The following PTPRD variants were observed in gnomAD, a reference collection of about 807,000 sequenced individuals.
PTPRD encodes receptor-type tyrosine-protein phosphatase delta.
A neutral mutation model predicts 214.5 loss-of-function variants in PTPRD; 34 were observed. That is an observed-to-expected ratio of 0.16 (90% CI 0.12 to 0.21). The LOEUF (loss-of-function observed/expected upper bound fraction) is 0.21, where lower values mean the gene tolerates loss of function less well. Ranked by LOEUF, PTPRD falls within the 10% of genes least tolerant of loss-of-function variation. The probability of loss-of-function intolerance (pLI) is 1.00; values close to 1 mark genes in which losing one functional copy is unlikely to be tolerated. For missense variants in PTPRD, 2,545 were observed against 2,398.7 expected (o/e 1.06, Z -1.27); for synonymous variants, 1,128 against 845.7 (o/e 1.33, Z -5.79).
At chr9:10,195,439 T>A (rs534274242) in intron 3 of PTPRD, among the ~76,000 whole-genome samples, 3 of 152,252 alleles carry the variant, frequency 2.0e-5, no homozygotes, top group African/African-American at 7.2e-5. Context: ...TACCTGTCCA[T>A]GTGACTGTTT....
At chr9:9,559,021 G>A (rs1003925338) in intron 8 of PTPRD, among the ~76,000 whole-genome samples, 5 of 152,164 alleles carry the variant, frequency 3.3e-5, no homozygotes, top group African/African-American at 4.8e-5. Flanking sequence ...GTGGATGTCC[G>A]CACGTTCCAG....
At chr9:9,013,200 C>T (rs1480133120) in intron 11 of PTPRD, among the ~76,000 whole-genome samples, 2 of 151,508 alleles carry the variant, frequency 1.3e-5, no homozygotes, top group African/African-American at 4.9e-5. Flanking sequence ...ATCAAAGTAA[C>T]AAAAGAATGA....
chr9:9,681,487 A>G lies in PTPRD; in HGVS notation c.-287+53046T>C, dbSNP rs550710732. On this transcript the variant is annotated intron_variant, in intron 7 of 45. Transcript: ENST00000381196. ...ATCAAAACAAATGTTATATAAAGAT[A>G]TGATCTTGACACATAAGCCCTACTG... Among the ~76,000 whole-genome samples the G allele has an allele frequency of 1.7e-4, 26 of 151,914 alleles. No homozygotes were observed. In the South Asian group the frequency reaches 4.6e-3, roughly 27 times the overall value.
intron 12 of PTPRD, among the ~76,000 whole-genome samples, chr9:8,709,207 C>T (rs541221180): frequency 2.0e-5 from 3 of 152,204 alleles, no homozygotes; most frequent in African/African-American, 7.2e-5. Flanking sequence ...AAATGTGATA[C>T]TGCATTCTTC....
At chr9:8,370,264 T>C (rs2134342800) in intron 39 of PTPRD, among the ~76,000 whole-genome samples, 1 of 151,320 alleles carries the variant, frequency 6.6e-6, no homozygotes, top group South Asian at 2.1e-4. Context: ...TGTGAAGAGA[T>C]AATGGCAAAT....
At chr9:10,469,142 T>G (rs10117093) in intron 2 of PTPRD, among the ~76,000 whole-genome samples, 135,229 of 152,032 alleles carry the variant, frequency 0.89, 60,356 homozygotes, top group East Asian at 1. Flanking sequence ...GGCAAAAGAG[T>G]TATACCAATC....
chr9:10,159,923 G>A (rs2099117335), intron 3 of PTPRD, among the ~76,000 whole-genome samples: 1 of 152,176 alleles, frequency 6.6e-6, no homozygotes, highest in South Asian at 2.1e-4. Flanking sequence ...GAGCAAGAAT[G>A]AGGAGAAGGA....
chr9:9,324,362 A>G (rs964070842), intron 9 of PTPRD, among the ~76,000 whole-genome samples: 2 of 152,092 alleles, frequency 1.3e-5, no homozygotes, highest in Non-Finnish European at 1.5e-5. Context: ...TTGTTTCTTG[A>G]CTTTTTAATG....
chr9:8,633,598 G>A, intron 13 of PTPRD, 140 bp from the exon 14 acceptor site: 1 of 956,220 alleles, frequency 1.0e-6, no homozygotes, highest in Non-Finnish European at 1.5e-6. Context: ...TGATATAGTG[G>A]TGAAAAAATA....
At chr9:9,629,238 G>GTGTATATATATATATATATATATA (rs149327972) in intron 7 of PTPRD, among the ~76,000 whole-genome samples, 221 of 140,302 alleles carry the variant, frequency 1.6e-3, no homozygotes, top group Middle Eastern at 7.6e-3. Flanking sequence ...GTGTGTGTGT[G>GTGTATATATATATATATATATATA]TATATATATA....
chr9:10,286,036 A>C (rs2154397146), intron 3 of PTPRD, among the ~76,000 whole-genome samples: 1 of 152,264 alleles, frequency 6.6e-6, no homozygotes, highest in South Asian at 2.1e-4. Context: ...AGTTAGCATT[A>C]ATAAGGGTAT....
At chr9:8,364,967 A>G (rs1050820346) in intron 39 of PTPRD, among the ~76,000 whole-genome samples, 2 of 152,126 alleles carry the variant, frequency 1.3e-5, no homozygotes, top group Non-Finnish European at 2.9e-5. Context: ...TGCATCTAGA[A>G]AATGTTAAGG....
intron 10 of PTPRD, among the ~76,000 whole-genome samples, chr9:9,039,911 A>T (rs1442804628): frequency 6.6e-6 from 1 of 151,844 alleles, no homozygotes; most frequent in Non-Finnish European, 1.5e-5. Flanking sequence ...GCCTACCCCC[A>T]ATGTATTGTC....
intron 11 of PTPRD, among the ~76,000 whole-genome samples, chr9:8,784,233 A>C (rs2095850021): frequency 6.6e-6 from 1 of 152,214 alleles, no homozygotes; most frequent in African/African-American, 2.4e-5. Flanking sequence ...TGTGGCAAAC[A>C]AAACGACATG....
At chr9:8,442,397 TAAGTA>T (rs60405580) in intron 34 of PTPRD, among the ~76,000 whole-genome samples, 4,623 of 152,282 alleles carry the variant, frequency 0.03, 242 homozygotes, top group African/African-American at 0.1. Flanking sequence ...ACTATTCTGC[TAAGTA>T]GAGTTTTTGA....
chr9:10,051,543 G>T (rs1417573912), intron 3 of PTPRD, among the ~76,000 whole-genome samples: 1 of 151,812 alleles, frequency 6.6e-6, no homozygotes, highest in Non-Finnish European at 1.5e-5. Flanking sequence ...TTGGTGTGCT[G>T]CACCCATTAA....
At chr9:10,243,888 A>G (rs73641894) in intron 3 of PTPRD, among the ~76,000 whole-genome samples, 10,916 of 151,870 alleles carry the variant, frequency 0.072, 510 homozygotes, top group East Asian at 0.14. Context: ...TTTTCTGTCC[A>G]GAATCAGGTC....
At chr9:10,250,692 G>C (rs186622609) in intron 3 of PTPRD, among the ~76,000 whole-genome samples, 1 of 151,956 alleles carries the variant, frequency 6.6e-6, no homozygotes, top group East Asian at 1.9e-4. Flanking sequence ...TTCAATTCTG[G>C]AACTATAGGC....
intron 9 of PTPRD, among the ~76,000 whole-genome samples, chr9:9,230,805 C>G (rs961180165): frequency 6.6e-6 from 1 of 152,068 alleles, no homozygotes; most frequent in Non-Finnish European, 1.5e-5. Context: ...TGTATCTTTT[C>G]TTTTAAAAAA....
Sources: allele counts gnomAD v4.1 joint callset (sites outside exome capture counted in the v4.1 genomes callset), GRCh38; gene constraint gnomAD v4.1.1; transcripts MANE v1.5; gene names NCBI Gene and HGNC (gene_info 2026-07-23, HGNC 2026-07-21).